Variants in ACAP2 observed in about 807,000 individuals in gnomAD.
ACAP2 encodes the protein arf-GAP with coiled-coil, ANK repeat and PH domain-containing protein 2.
ACAP2 carries 39 observed loss-of-function variants against 115.8 expected under a neutral mutation model. The ratio of observed to expected loss-of-function variants is 0.34; its 90% CI spans 0.26 to 0.44. The LOEUF (loss-of-function observed/expected upper bound fraction) is 0.44, where lower values mean the gene tolerates loss of function less well. ACAP2 is among the 20% of genes least tolerant of loss of function. The pLI is 1.00. For missense variants in ACAP2, 662 were observed against 927.6 expected, an observed-to-expected ratio of 0.71 and a Z score of 3.72; for synonymous variants, 289 against 315.8, an observed-to-expected ratio of 0.92 and a Z score of 0.90.
intron 2 of ACAP2, among the ~76,000 whole-genome samples, chr3:195,388,562 C>G (rs563544513): frequency 6.6e-6 from 1 of 152,272 alleles, no homozygotes; most frequent in South Asian, 2.1e-4. Flanking sequence ...TGGAACTTGC[C>G]CTGCACAAAG....
intron 4 of ACAP2, among the ~76,000 whole-genome samples, chr3:195,361,757 A>T (rs1732387835): frequency 6.6e-6 from 1 of 152,222 alleles, no homozygotes; most frequent in South Asian, 2.1e-4. Context: ...TTTTTCAAAA[A>T]GATTAAAAAA....
At chr3:195,327,130 A>G (rs1260051211) in intron 8 of ACAP2, among the ~76,000 whole-genome samples, 171 bp from the exon 9 acceptor site, 1 of 152,204 alleles carries the variant, frequency 6.6e-6, no homozygotes, top group African/African-American at 2.4e-5. Flanking sequence ...TCTGCTATCA[A>G]GTTCTCTTTG....
At chr3:195,392,238 G>A (rs1734730100) in intron 1 of ACAP2, 91 bp from the exon 2 acceptor site, 1 of 1,030,946 alleles carries the variant, frequency 9.7e-7, no homozygotes, top group Admixed American at 2.4e-5. Flanking sequence ...AGATAGATAT[G>A]AATGCTTAAA....
chr3:195,347,808 G>C (rs966748953), intron 4 of ACAP2, among the ~76,000 whole-genome samples: 2 of 152,112 alleles, frequency 1.3e-5, no homozygotes, highest in Non-Finnish European at 2.9e-5. Flanking sequence ...AGGAGTTCAA[G>C]ATTAGCCTGG....
At chr3:195,283,905 CATTAA>C (rs1481038939) in intron 22 of ACAP2, among the ~76,000 whole-genome samples, 1 of 150,794 alleles carries the variant, frequency 6.6e-6, no homozygotes, top group East Asian at 1.9e-4. Context: ...TTCAAGTTTT[CATTAA>C]ATTAAATTGG....
rs1362742677 is a variant in ACAP2, at chr3:195,342,478, A to C, written c.521T>G (p.Val174Gly). ...KCFRHIALDYVLQINVLQSKR... is the reference protein window; with the variant it reads ...KCFRHIALDYGLQINVLQSKR... ...CAGTAAGAAACTATATACCTGAAGCACATAATCGAGGGCTATGTGTCGGAA... is the reference window on the plus strand; with the variant it reads ...CAGTAAGAAACTATATACCTGAAGCCCATAATCGAGGGCTATGTGTCGGAA... The change falls in exon 6 of 23, where the codon GTG (valine) becomes GGG (glycine). Residue 174 changes from valine (V) to glycine (G), a missense_variant. Around this residue, in one of 3 missense-constraint regions of ACAP2, gnomAD observed 401 missense variants for 604.4 expected, o/e 0.66. Transcript: ENST00000326793. 1 of 1,600,944 alleles carries C rather than the reference A, an allele frequency of 6.2e-7. No individual in the cohort carries two copies. The highest frequency in any genetic ancestry group is 8.5e-7 in the Non-Finnish European group (1 of 1,176,744).
chr3:195,414,066 T>C (rs1382798222), intron 1 of ACAP2, among the ~76,000 whole-genome samples: 1 of 151,782 alleles, frequency 6.6e-6, no homozygotes, highest in African/African-American at 2.4e-5. Flanking sequence ...GAAAAGATAC[T>C]CCACATAATA....
intron 18 of ACAP2, 116 bp from the exon 19 acceptor site, chr3:195,292,568 G>A: frequency 1.1e-6 from 1 of 949,364 alleles, no homozygotes; most frequent in Non-Finnish European, 1.5e-6. Flanking sequence ...TGGATGAATG[G>A]CAGTAAAGAT....
chr3:195,404,044 A>G (rs1397380948), intron 1 of ACAP2, among the ~76,000 whole-genome samples: 1 of 152,228 alleles, frequency 6.6e-6, no homozygotes, highest in Non-Finnish European at 1.5e-5. Context: ...AACTGATGAC[A>G]TAAGAAGAAA....
intron 4 of ACAP2, among the ~76,000 whole-genome samples, chr3:195,351,699 G>A (rs1000526709): frequency 3.9e-5 from 6 of 151,932 alleles, no homozygotes; most frequent in Non-Finnish European, 5.9e-5. Flanking sequence ...CTCCTGATCC[G>A]TGATCCGCCC....
intron 4 of ACAP2, among the ~76,000 whole-genome samples, chr3:195,346,322 A>G (rs894055315): frequency 1.3e-5 from 2 of 152,220 alleles, no homozygotes. Flanking sequence ...CAAAGAATCA[A>G]AAAATTTGGT....
Position 195,308,818 on chromosome 3 carries a change from T to C in ACAP2, c.877A>G (p.Asn293Asp). 1 of 1,610,354 alleles carries C rather than the reference T, an allele frequency of 6.2e-7. No individual in the cohort carries two copies. The highest frequency in any genetic ancestry group is 1.1e-5 in the South Asian group (1 of 89,754). Residue 293 changes from asparagine (N) to aspartate (D), a missense_variant, in exon 11 of 23, where the codon AAT (asparagine) becomes GAT (aspartate). By Grantham distance (23) the Asn-to-Asp change is conservative (BLOSUM62 1). Transcript: ENST00000326793. ...TTTTTCTGGTAAACCAACTGATTAT[T>C]CTGTATTGAAAACCAGCGCCTACAG... is the stretch of plus-strand genomic sequence containing the variant. ...TWNRRWFSIQNNQLVYQKKFK... is the reference protein window; with the variant it reads ...TWNRRWFSIQDNQLVYQKKFK...
intron 9 of ACAP2, 39 bp downstream of exon 9, chr3:195,326,846 A>G (rs780762631): frequency 6.4e-7 from 1 of 1,571,290 alleles, no homozygotes. Context: ...AAGCCATTGT[A>G]TAAAGTGGAA....
At chr3:195,303,600 C>T (rs1560220634) in intron 13 of ACAP2, among the ~76,000 whole-genome samples, 1 of 151,408 alleles carries the variant, frequency 6.6e-6, no homozygotes, top group Non-Finnish European at 1.5e-5. Flanking sequence ...TACATAAATA[C>T]ATACATACAT....
At chr3:195,417,907 C>T (rs1332307698) in intron 1 of ACAP2, among the ~76,000 whole-genome samples, 1 of 151,930 alleles carries the variant, frequency 6.6e-6, no homozygotes, top group Non-Finnish European at 1.5e-5. Flanking sequence ...CACAATCACA[C>T]CCCAGCCTGG....
At chr3:195,293,890 T>C (rs913914659) in intron 18 of ACAP2, among the ~76,000 whole-genome samples, 1 of 151,618 alleles carries the variant, frequency 6.6e-6, no homozygotes, top group Non-Finnish European at 1.5e-5. Context: ...TCCCAGCACT[T>C]TGGGAGGCCG....
intron 1 of ACAP2, among the ~76,000 whole-genome samples, chr3:195,423,682 G>A (rs1577459643): frequency 2.7e-5 from 4 of 149,514 alleles, no homozygotes; most frequent in African/African-American, 9.8e-5. Context: ...TACAGTCCCT[G>A]TTCCAACTAC....
At chr3:195,419,165 CCA>C (rs1713974990) in intron 1 of ACAP2, among the ~76,000 whole-genome samples, 1 of 152,086 alleles carries the variant, frequency 6.6e-6, no homozygotes, top group Non-Finnish European at 1.5e-5. Flanking sequence ...ACCCATCACC[CCA>C]GTCTAATTTT....
At chr3:195,392,755 CAGTT>C (rs911477857) in intron 1 of ACAP2, among the ~76,000 whole-genome samples, 5 of 152,108 alleles carry the variant, frequency 3.3e-5, no homozygotes, top group Non-Finnish European at 5.9e-5. Flanking sequence ...ATTATAATAA[CAGTT>C]AGCACTTCAT....
Sources: gnomAD v4.1 joint callset for allele counts (sites outside exome capture counted in the v4.1 genomes callset) on GRCh38, gnomAD v4.1.1 for gene constraint, gnomAD v4.1.1 regional missense constraint, MANE v1.5 for transcripts, NCBI Gene and HGNC (gene_info 2026-07-23, HGNC 2026-07-21) for gene names.